CHAF1A: variants seen among roughly 807,000 people sequenced by gnomAD.
CHAF1A encodes CAF-1 subunit A.
A neutral mutation model predicts 93.2 loss-of-function variants in CHAF1A; 5 were observed. The ratio of observed to expected loss-of-function variants is 0.05; its 90% confidence interval spans 0.03 to 0.11. The LOEUF is 0.11. Ranked by LOEUF, CHAF1A falls within the 10% of genes least tolerant of loss-of-function variation. The pLI, the probability that CHAF1A is intolerant of heterozygous loss-of-function variation, is 1.00. For missense variants in CHAF1A, 1,102 were observed against 1,259.9 expected, an observed-to-expected ratio of 0.87 and a Z score of 1.90; for synonymous variants, 504 against 510.3, an observed-to-expected ratio of 0.99 and a Z score of 0.17.
downstream of CHAF1A, chr19:4,446,568 C>A: frequency 6.2e-7 from 1 of 1,612,506 alleles, no homozygotes; most frequent in Non-Finnish European, 8.5e-7. Context: ...GTTCGAACTG[C>A]GAGGCCAGGG....
At chr19:4,445,784 G>C, downstream of CHAF1A, 1 of 1,233,794 alleles carries the variant, frequency 8.1e-7, no homozygotes, top group Non-Finnish European at 1.1e-6. Flanking sequence ...CTCCCTCCGG[G>C]ACTCCAGGAC....
At position 4,433,661 on chromosome 19, in the gene CHAF1A, C is replaced by T. The variant is rs1232243902; in HGVS notation, c.2673+122C>T. 10 of 780,604 alleles carry T rather than the reference C, an allele frequency of 1.3e-5. No homozygotes were observed. Among genetic ancestry groups the T allele is most frequent in the Admixed American group, 8.9e-5 (3 of 33,816 alleles). The allele number at this position is 780,604 out of a possible 1,614,324, so 48.4% of individuals were successfully genotyped here. ...TGTCACCCAGGCTGGAGTGCAGTGG[C>T]GCAATCTCAGCTCACTGCAACCTCC... is the stretch of plus-strand genomic sequence containing the variant. On this transcript the variant is annotated intron_variant, in intron 13 of 14. Transcript: ENST00000301280. The surrounding 1 kb of genome is among the most constrained non-coding windows in gnomAD (Gnocchi z 5.6).
intron 4 of CHAF1A, among the ~76,000 whole-genome samples, chr19:4,419,859 G>A (rs1244864577): frequency 6.6e-6 from 1 of 152,214 alleles, no homozygotes; most frequent in African/African-American, 2.4e-5. Flanking sequence ...GAAGAAATCT[G>A]ATTCACCTGC....
At chr19:4,429,633 C>T in intron 9 of CHAF1A, 27 bp downstream of exon 9, 1 of 1,614,080 alleles carries the variant, frequency 6.2e-7, no homozygotes, top group Non-Finnish European at 8.5e-7. Context: ...GTGCCTCCGT[C>T]CCCGTACCTC....
chr19:4,409,977 C>T (rs556636523), intron 3 of CHAF1A, among the ~76,000 whole-genome samples: 1 of 152,298 alleles, frequency 6.6e-6, no homozygotes, highest in East Asian at 1.9e-4. Context: ...AACAGTGTAC[C>T]TGGTGTACTG....
In CHAF1A at chr19:4,409,642, A is replaced by G. The variant is rs1183984549; in HGVS notation, c.843A>G (p.Val281=). 6.2e-7 allele frequency: 1 copy of G among 1,613,962 alleles called. No homozygotes were observed. ...AATCTTTCCCCGAAGAAGACTCTGT[A>G]CTCAGCCATTCGTCCCTGAGCTCTC... ...VLESFPEEDS[V]LSHSSLSSPS... is the part of the protein sequence containing the mutation. The change falls in exon 3 of 15, where the codon GTA becomes GTG. Residue 281 remains valine, a synonymous_variant. Coordinates refer to ENST00000301280, the MANE Select transcript of CHAF1A (RefSeq NM_005483.3).
intron 13 of CHAF1A, among the ~76,000 whole-genome samples, chr19:4,439,553 A>G (rs1974348614): frequency 6.6e-6 from 1 of 152,188 alleles, no homozygotes; most frequent in Admixed American, 6.5e-5. Flanking sequence ...TTTTGGATCC[A>G]AGAAAAGCCT....
downstream of CHAF1A, chr19:4,446,128 C>T (rs746572072): frequency 6.2e-7 from 1 of 1,612,484 alleles, no homozygotes; most frequent in Admixed American, 1.7e-5. Flanking sequence ...AAAAGGCAGC[C>T]AGTCGCTCTG....
chr19:4,437,568 A>G (rs547324809), intron 13 of CHAF1A, among the ~76,000 whole-genome samples: 42 of 152,070 alleles, frequency 2.8e-4, no homozygotes, highest in African/African-American at 9.9e-4. Flanking sequence ...GCTGGTCTCC[A>G]ACTCCTGAGC....
chr19:4,441,037 G>A (rs1450210201), intron 13 of CHAF1A, among the ~76,000 whole-genome samples: 5 of 151,394 alleles, frequency 3.3e-5, no homozygotes, highest in East Asian at 1.9e-4. Context: ...ATATCGTTGC[G>A]GCTGGGGCAG....
At chr19:4,434,325 G>A (rs539327272) in intron 13 of CHAF1A, among the ~76,000 whole-genome samples, 5 of 152,246 alleles carry the variant, frequency 3.3e-5, no homozygotes, top group East Asian at 1.9e-4. Flanking sequence ...CAACCTGGGC[G>A]ACAGAGCAAG....
Position 4,422,487 on chromosome 19 carries a change from T to C in CHAF1A, c.1018-79T>C. On this transcript the variant is annotated intron_variant, in intron 4 of 14. Coordinates refer to ENST00000301280, the MANE Select transcript of CHAF1A (RefSeq NM_005483.3). The surrounding 1 kb of genome is among the most constrained non-coding windows in gnomAD (Gnocchi z 4.6). ...TCTGTTCATCCCGTCCAGGCCGTGC[T>C]GTCCTCCATGCTGTGAACCGAGCTT... 1 of 1,283,780 alleles carries C rather than the reference T, an allele frequency of 7.8e-7. No individual in the cohort carries two copies. The highest frequency in any genetic ancestry group is 1.1e-6 in the Non-Finnish European group (1 of 909,812). The allele number at this position is 1,283,780 out of a possible 1,614,324, so 79.5% of individuals were successfully genotyped here. A position where few individuals can be genotyped will look rare whatever the true frequency, so the allele number is the denominator to read the frequency against.
intron 3 of CHAF1A, among the ~76,000 whole-genome samples, chr19:4,414,667 A>C (rs1019963359): frequency 6.6e-6 from 1 of 152,280 alleles, no homozygotes. Flanking sequence ...GTGATATCCC[A>C]TGGTGTGGAC....
chr19:4,433,472 T>C lies in CHAF1A; in HGVS notation c.2606T>C (p.Leu869Pro). 5 of 1,599,390 alleles carry C rather than the reference T, an allele frequency of 3.1e-6. No homozygotes were observed. Among genetic ancestry groups the C allele is most frequent in the Non-Finnish European group, 4.3e-6 (5 of 1,168,124 alleles). ...TGPSQGTPIS[L>P]KRKSAGSMCI... The stretch of plus-strand genomic sequence containing the variant: ...CCCAGCCAGGGCACTCCCATCTCGC[T>C]GAAGAGGAAGTCAGCGGGCAGCATG... The change falls in exon 13 of 15, where the codon CTG becomes CCG. Residue 869 changes from leucine (L) to proline (P), a missense_variant. By Grantham distance (98) the Leu-to-Pro change is moderately conservative (BLOSUM62 -3). Around this residue, in one of 6 missense-constraint regions of CHAF1A, gnomAD observed 76 missense variants for 129.8 expected, o/e 0.59. Coordinates refer to ENST00000301280, the MANE Select transcript of CHAF1A (RefSeq NM_005483.3). This position sits in a 1 kb window ranked among gnomAD's most constrained non-coding sequence, Gnocchi z 5.6.
intron 12 of CHAF1A, 87 bp downstream of exon 12, chr19:4,432,294 CCGTGATG>C: frequency 7.1e-7 from 1 of 1,414,086 alleles, no homozygotes; most frequent in Non-Finnish European, 9.4e-7. Context: ...GCTAGTGGGT[CCGTGATG>C]CAAATGTTCT....
At chr19:4,448,375 A>G (rs973529485), downstream of CHAF1A, 11 of 1,610,512 alleles carry the variant, frequency 6.8e-6, no homozygotes, top group Non-Finnish European at 8.5e-6. Flanking sequence ...GAACGTGTAG[A>G]TCTTCATGAT....
chr19:4,445,780 C>T, downstream of CHAF1A: 2 of 1,269,908 alleles, frequency 1.6e-6, no homozygotes, highest in East Asian at 2.5e-5. Context: ...CCCTCTCCCT[C>T]CGGGACTCCA....
At position 4,443,287 on chromosome 19, in the gene CHAF1A, G is replaced by A. The variant is rs770515114; in HGVS notation, c.*262G>A. ...GAAGCCTGCGGGCACAGGAGCAGGC[G>A]TGGAATCCAATACTTGTAAATGAAT... On this transcript the variant is annotated 3_prime_UTR_variant, in exon 15 of 15. Transcript: ENST00000301280. The A allele has an allele frequency of 1.5e-5, 7 of 460,226 alleles. No individual in the cohort carries two copies. The highest frequency in any genetic ancestry group is 7.9e-5 in the African/African-American group (4 of 50,372). The allele number at this position is 460,226 out of a possible 1,614,324, so 28.5% of individuals were successfully genotyped here.
At chr19:4,406,468 T>C (rs1973683074) in intron 2 of CHAF1A, among the ~76,000 whole-genome samples, 2 of 150,716 alleles carry the variant, frequency 1.3e-5, no homozygotes, top group South Asian at 2.1e-4. Context: ...GGAGTCTCAT[T>C]CTGTTGCCCA....
Sources: allele counts gnomAD v4.1 joint callset (sites outside exome capture counted in the v4.1 genomes callset), GRCh38; gene constraint gnomAD v4.1.1; regional missense constraint gnomAD v4.1.1; non-coding constraint Gnocchi (gnomAD v3.1); transcripts MANE v1.5; gene names NCBI Gene and HGNC (gene_info 2026-07-23, HGNC 2026-07-21).